NTNG1: variants seen among roughly 807,000 people sequenced by gnomAD.
The protein encoded by NTNG1 is netrin G1.
NTNG1 carries 16 observed loss-of-function variants against 54.0 expected under a neutral mutation model. The observed-to-expected ratio is 0.30, with a 90% CI of 0.20 to 0.45. NTNG1 has a LOEUF of 0.45. Among genes scored for constraint, NTNG1 ranks in the 20% least tolerant of loss-of-function variants. The pLI is 1.00. For synonymous variants in NTNG1, 255 were observed against 263.1 expected (o/e 0.97, Z 0.30); for missense variants, 530 against 678.7 (o/e 0.78, Z 2.43).
At chr1:107,336,015 T>G (rs955079373) in intron 3 of NTNG1, among the ~76,000 whole-genome samples, 3 of 151,892 alleles carry the variant, frequency 2.0e-5, no homozygotes, top group Non-Finnish European at 4.4e-5. Flanking sequence ...CCCAAAGCTA[T>G]GTACAGATTT....
At chr1:107,474,404 G>A (rs1678180620) in intron 7 of NTNG1, among the ~76,000 whole-genome samples, 1 of 152,188 alleles carries the variant, frequency 6.6e-6, no homozygotes, top group Non-Finnish European at 1.5e-5. Flanking sequence ...CTATATGCAG[G>A]ATTATGTGAG....
chr1:107,171,797 T>C (rs1340532176), intron 2 of NTNG1, among the ~76,000 whole-genome samples: 2 of 152,206 alleles, frequency 1.3e-5, no homozygotes. Flanking sequence ...TCTAAGTCAA[T>C]ATGTTTGCTG....
intron 2 of NTNG1, among the ~76,000 whole-genome samples, chr1:107,169,598 T>C (rs566838203): frequency 6.4e-4 from 97 of 152,266 alleles, no homozygotes; most frequent in African/African-American, 2.3e-3. Flanking sequence ...AAATCCTGAA[T>C]TTTTATAAAA....
chr1:107,221,028 A>C (rs1228401124), intron 2 of NTNG1, among the ~76,000 whole-genome samples: 1 of 152,172 alleles, frequency 6.6e-6, no homozygotes, highest in Non-Finnish European at 1.5e-5. Context: ...AAGCCTGGCA[A>C]ACTTTGTATG....
intron 2 of NTNG1, among the ~76,000 whole-genome samples, chr1:107,178,471 T>G (rs1259063000): frequency 2.0e-5 from 3 of 151,576 alleles, no homozygotes; most frequent in South Asian, 2.1e-4. Flanking sequence ...CCACCTGGGT[T>G]TTTTTTTTCA....
intron 2 of NTNG1, among the ~76,000 whole-genome samples, chr1:107,234,754 C>T (rs1026255137): frequency 3.3e-5 from 5 of 152,136 alleles, no homozygotes; most frequent in South Asian, 2.1e-4. Context: ...CATTGATAGT[C>T]GGGAATCTTT....
intron 7 of NTNG1, among the ~76,000 whole-genome samples, chr1:107,448,974 C>A (rs1437697113): frequency 6.6e-6 from 1 of 151,970 alleles, no homozygotes; most frequent in Admixed American, 6.6e-5. Context: ...AAAAGATAAA[C>A]TTCTATTGGG....
intron 2 of NTNG1, among the ~76,000 whole-genome samples, chr1:107,207,288 A>G (rs1465969768): frequency 1.3e-5 from 2 of 152,174 alleles, no homozygotes; most frequent in Non-Finnish European, 2.9e-5. Context: ...TTTTGCCTCA[A>G]ACACTTTCCT....
intron 2 of NTNG1, among the ~76,000 whole-genome samples, chr1:107,194,608 A>C (rs1428818462): frequency 6.6e-6 from 1 of 152,054 alleles, no homozygotes; most frequent in Non-Finnish European, 1.5e-5. Flanking sequence ...TAAAAGTGAG[A>C]TCAGCATAGT....
chr1:107,395,642 A>G (rs1471967021), intron 4 of NTNG1, among the ~76,000 whole-genome samples: 1 of 152,198 alleles, frequency 6.6e-6, no homozygotes, highest in Non-Finnish European at 1.5e-5. Flanking sequence ...CTATTAAAAT[A>G]TCAAAGGCCT....
intron 1 of NTNG1, among the ~76,000 whole-genome samples, chr1:107,143,935 C>T (rs546193001): frequency 1.3e-5 from 2 of 152,112 alleles, no homozygotes; most frequent in East Asian, 1.9e-4. Context: ...TCAATTACCA[C>T]GGTGTGTTAT....
At chr1:107,291,839 C>T (rs1221579770) in intron 2 of NTNG1, among the ~76,000 whole-genome samples, 1 of 152,142 alleles carries the variant, frequency 6.6e-6, no homozygotes, top group Non-Finnish European at 1.5e-5. Flanking sequence ...AAAATTTAAA[C>T]TCTGTTACAT....
chr1:107,142,237 A>G (rs1158795682), intron 1 of NTNG1, among the ~76,000 whole-genome samples: 2 of 152,192 alleles, frequency 1.3e-5, no homozygotes, highest in African/African-American at 4.8e-5. Context: ...AGTGATTCAT[A>G]CAAGGAAAAA....
intron 7 of NTNG1, among the ~76,000 whole-genome samples, chr1:107,452,487 C>T (rs752327410): frequency 2.3e-4 from 35 of 152,090 alleles, no homozygotes; most frequent in Non-Finnish European, 4.9e-4. Flanking sequence ...AATTTGATCC[C>T]CACTGTGGTA....
intron 2 of NTNG1, among the ~76,000 whole-genome samples, chr1:107,197,538 A>G (rs1042870572): frequency 2.0e-5 from 3 of 151,992 alleles, no homozygotes; most frequent in Non-Finnish European, 4.4e-5. Context: ...GGGTCTTCAG[A>G]TGCCACCTTG....
At chr1:107,366,579 C>A (rs1227660850) in intron 3 of NTNG1, among the ~76,000 whole-genome samples, 1 of 152,172 alleles carries the variant, frequency 6.6e-6, no homozygotes, top group Admixed American at 6.6e-5. Context: ...TTCTGTAAAG[C>A]TCTCTGTATA....
At chr1:107,261,633 G>A (rs575880931) in intron 2 of NTNG1, among the ~76,000 whole-genome samples, 73 of 152,298 alleles carry the variant, frequency 4.8e-4, no homozygotes, top group Admixed American at 1.0e-3. Context: ...CACGAGGCCA[G>A]GAGATCGAGA....
At chr1:107,347,445 A>T (rs1669315797) in intron 3 of NTNG1, among the ~76,000 whole-genome samples, 1 of 152,096 alleles carries the variant, frequency 6.6e-6, no homozygotes, top group South Asian at 2.1e-4. Context: ...AGTCTAGGTG[A>T]TTGAGGCCGC....
At chr1:107,313,015 GA>G (rs751111700) in intron 2 of NTNG1, among the ~76,000 whole-genome samples, 26 of 152,042 alleles carry the variant, frequency 1.7e-4, no homozygotes, top group Admixed American at 4.6e-4. Flanking sequence ...TCAAAGTCAG[GA>G]AATTAATATG....
Sources: allele counts gnomAD v4.1 joint callset (sites outside exome capture counted in the v4.1 genomes callset), GRCh38; gene constraint gnomAD v4.1.1; transcripts MANE v1.5; gene names NCBI Gene and HGNC (gene_info 2026-07-23, HGNC 2026-07-21).